The following DCAF1 variants were observed in gnomAD, a reference collection of about 807,000 sequenced individuals.
DCAF1 encodes DDB1- and CUL4-associated factor 1.
Under a neutral mutation model 128.0 loss-of-function variants are expected in DCAF1, and 15 were observed. That is an observed-to-expected ratio of 0.12 (90% CI 0.08 to 0.18). DCAF1 has a LOEUF of 0.18. Among genes scored for constraint, DCAF1 ranks in the 10% least tolerant of loss-of-function variants. DCAF1 has a pLI of 1.00. For synonymous variants in DCAF1, 610 were observed against 603.0 expected (o/e 1.01, Z -0.17); for missense variants, 988 against 1,649.5 (o/e 0.60, Z 6.95).
At chr3:51,423,467 A>C (rs1577098424) in intron 13 of DCAF1, among the ~76,000 whole-genome samples, 1 of 149,766 alleles carries the variant, frequency 6.7e-6, no homozygotes, top group African/African-American at 2.5e-5. Context: ...GAGCCACCGC[A>C]CTCCAGCTCG....
intron 1 of DCAF1, among the ~76,000 whole-genome samples, chr3:51,498,147 G>C (rs1708442750): frequency 6.8e-6 from 1 of 147,152 alleles, no homozygotes. Flanking sequence ...AGATCACGAG[G>C]ACAAGAGCTT....
chr3:51,490,351 A>G (rs571026117), intron 2 of DCAF1, among the ~76,000 whole-genome samples: 2 of 152,262 alleles, frequency 1.3e-5, no homozygotes, highest in East Asian at 3.9e-4. Context: ...GAATCACCTG[A>G]GCCCAGTAAG....
chr3:51,418,069 A>AT, intron 17 of DCAF1, 47 bp downstream of exon 17: 1 of 1,574,296 alleles, frequency 6.4e-7, no homozygotes, highest in South Asian at 1.2e-5. Flanking sequence ...GGGGGGTATA[A>AT]ACTAGGTAAA....
intron 13 of DCAF1, among the ~76,000 whole-genome samples, chr3:51,422,639 A>C (rs1355571095): frequency 6.6e-6 from 1 of 152,202 alleles, no homozygotes; most frequent in African/African-American, 2.4e-5. Flanking sequence ...TAGCAATGGA[A>C]TTTTTACCTA....
At chr3:51,437,752 T>C (rs1454081862) in intron 9 of DCAF1, among the ~76,000 whole-genome samples, 5 of 150,732 alleles carry the variant, frequency 3.3e-5, no homozygotes, top group Admixed American at 3.3e-4. Flanking sequence ...GGGGTGGAGG[T>C]TGCAGTGAGC....
intron 3 of DCAF1, among the ~76,000 whole-genome samples, chr3:51,473,132 C>T (rs1323419077): frequency 2.2e-4 from 33 of 150,756 alleles, no homozygotes; most frequent in Non-Finnish European, 3.7e-4. Flanking sequence ...CAAAATTAAC[C>T]GGGCACGGTG....
At chr3:51,447,966 CTA>C (rs782145102) in intron 6 of DCAF1, among the ~76,000 whole-genome samples, 4 of 151,918 alleles carry the variant, frequency 2.6e-5, no homozygotes, top group African/African-American at 9.7e-5. Context: ...AAAAAAAGTT[CTA>C]TGTTTACAGA....
chr3:51,423,833 AAAAG>A (rs1169489087), intron 13 of DCAF1, among the ~76,000 whole-genome samples: 2 of 151,734 alleles, frequency 1.3e-5, no homozygotes, highest in South Asian at 2.1e-4. Flanking sequence ...AAAAAAAAAA[AAAAG>A]AAAGAAAGAA....
At chr3:51,431,006 C>T (rs142093660) in intron 10 of DCAF1, among the ~76,000 whole-genome samples, 85 of 152,140 alleles carry the variant, frequency 5.6e-4, no homozygotes, top group African/African-American at 2.0e-3. Context: ...ATGGCAAAAC[C>T]CTGCCTCTAC....
intron 9 of DCAF1, among the ~76,000 whole-genome samples, chr3:51,439,470 C>G (rs1553638010): frequency 7.9e-6 from 1 of 126,886 alleles, no homozygotes; most frequent in Non-Finnish European, 1.6e-5. Context: ...GAGACAGAGT[C>G]TCACTCTGTT....
Position 51,418,571 on chromosome 3 carries a change from G to A in DCAF1, c.3435+107C>T, listed in dbSNP as rs946228145. 26 of 1,483,996 alleles carry A rather than the reference G, an allele frequency of 1.8e-5. No homozygotes were observed. The African/African-American group carries it at 3.4e-4, about 19-fold the overall frequency. The allele number at this position is 1,483,996 out of a possible 1,614,324, so 91.9% of individuals were successfully genotyped here. ...AACCTCAACTAGACTTTCCAGTTGA[G>A]GACTCATTTAAAAGAGAGAGCTCAA... On this transcript the variant is annotated intron_variant, in intron 16 of 24. Coordinates refer to ENST00000684031, the MANE Select transcript of DCAF1 (RefSeq NM_001387579.1).
At chr3:51,400,149 T>C (rs1170014076) in intron 24 of DCAF1, among the ~76,000 whole-genome samples, 3 of 152,192 alleles carry the variant, frequency 2.0e-5, no homozygotes, top group African/African-American at 7.2e-5. Context: ...CTGACTGTAT[T>C]GGTGATGTAT....
intron 24 of DCAF1, among the ~76,000 whole-genome samples, chr3:51,402,753 T>C (rs781861472): frequency 2.6e-5 from 4 of 152,024 alleles, no homozygotes. Context: ...TTTGTATTTT[T>C]AGTAGAGACA....
chr3:51,479,866 A>G (rs946587850), intron 3 of DCAF1, among the ~76,000 whole-genome samples: 1 of 152,006 alleles, frequency 6.6e-6, no homozygotes, highest in Non-Finnish European at 1.5e-5. Flanking sequence ...AAATACATAC[A>G]TATGAATGAC....
intron 13 of DCAF1, among the ~76,000 whole-genome samples, chr3:51,423,620 C>A (rs1418392523): frequency 6.6e-6 from 1 of 151,476 alleles, no homozygotes; most frequent in East Asian, 1.9e-4. Context: ...GAATTCAAGA[C>A]CAGCCTGGCC....
chr3:51,483,642 TG>T, intron 3 of DCAF1, 76 bp downstream of exon 3: 2 of 917,660 alleles, frequency 2.2e-6, no homozygotes, highest in Admixed American at 3.5e-5. Context: ...TGTGTGTGTG[TG>T]TGTATGAAGA....
At chr3:51,468,208 G>A (rs1459122309) in intron 4 of DCAF1, among the ~76,000 whole-genome samples, 4 of 152,212 alleles carry the variant, frequency 2.6e-5, no homozygotes, top group Non-Finnish European at 5.9e-5. Flanking sequence ...GTCTTGTTCT[G>A]TCGCCAAGGC....
rs1372545792 is a variant in DCAF1 at position 51,496,774 on chromosome 3, TC to T, written c.-50del. 6.6e-5 allele frequency among the ~76,000 whole-genome samples: 10 copies of T among 152,088 alleles called. No individual in the cohort carries two copies. Among genetic ancestry groups the T allele is most frequent in the African/African-American group, 2.4e-4 (10 of 41,426 alleles). On this transcript the variant is annotated 5_prime_UTR_variant, in exon 2 of 25. Coordinates refer to ENST00000684031, the MANE Select transcript of DCAF1 (RefSeq NM_001387579.1). Reference sequence around the variant, plus strand: ...TATTTAACTTCTCCAAATCTCAATTTCCTTATCTGCAAGATGGAAACAGTTG... The same window carrying T: ...TATTTAACTTCTCCAAATCTCAATTTCTTATCTGCAAGATGGAAACAGTTG...
At chr3:51,474,777 T>A (rs1705225564) in intron 3 of DCAF1, among the ~76,000 whole-genome samples, 1 of 148,330 alleles carries the variant, frequency 6.7e-6, no homozygotes, top group African/African-American at 2.5e-5. Flanking sequence ...TCAATCAGCA[T>A]GCCTGGCTTT....
Sources: gnomAD v4.1 joint callset for allele counts (sites outside exome capture counted in the v4.1 genomes callset) on GRCh38, gnomAD v4.1.1 for gene constraint, MANE v1.5 for transcripts, NCBI Gene and HGNC (gene_info 2026-07-23, HGNC 2026-07-21) for gene names.